ZNF736: variants seen among roughly 807,000 people sequenced by gnomAD.
ZNF736 encodes the protein KRAB-containing zinc-finger repressor protein.
A neutral mutation model predicts 11.7 loss-of-function variants in ZNF736; 6 were observed. That is an observed-to-expected ratio of 0.51 (90% CI 0.28 to 1.01). ZNF736 has a LOEUF of 1.01. ZNF736 is among the 50% of genes least tolerant of loss of function. The pLI is 0.09. For synonymous variants in ZNF736, 139 were observed against 164.7 expected, an observed-to-expected ratio of 0.84 and a Z score of 1.19; for missense variants, 444 against 496.0, an observed-to-expected ratio of 0.90 and a Z score of 1.00.
chr7:64,324,343 C>T lies in ZNF736; in HGVS notation c.3+10190C>T, dbSNP rs1168764853. Among the ~76,000 whole-genome samples the T allele has an allele frequency of 5.9e-5, 9 of 152,180 alleles. No homozygotes were observed. The South Asian group carries it at 6.2e-4, about 11-fold the overall frequency. Reference sequence around the variant, plus strand: ...CACTCAGCAAGTGTCAGGCAGGCCCCGGGCTGAAGGGAGACTCCAGGTGTC... The same window carrying T: ...CACTCAGCAAGTGTCAGGCAGGCCCTGGGCTGAAGGGAGACTCCAGGTGTC... On this transcript the variant is annotated intron_variant, in intron 1 of 3. Coordinates refer to ENST00000423484, the MANE Select transcript of ZNF736 (RefSeq NM_001170905.3).
intron 3 of ZNF736, chr7:64,337,215 TTTG>T: frequency 2.0e-6 from 1 of 506,138 alleles, no homozygotes; most frequent in Non-Finnish European, 3.5e-6. Context: ...GTGTGTGTGT[TTTG>T]TTTTGTTTTT....
chr7:64,348,820 A>G lies in ZNF736; in HGVS notation c.957A>G (p.Gly319=), dbSNP rs1789447749. 7 of 1,587,620 alleles carry G rather than the reference A, an allele frequency of 4.4e-6. No homozygotes were observed. Among genetic ancestry groups the G allele is most frequent in the Non-Finnish European group, 6.0e-6 (7 of 1,166,952 alleles). Residue 319 remains glycine, a synonymous_variant, in exon 4 of 4, where the codon GGA becomes GGG. Coordinates refer to ENST00000423484, the MANE Select transcript of ZNF736 (RefSeq NM_001170905.3). ...AACCCTACACATGTAATGAATGTGG[A>G]AAAGCTTTTAAGTGGTTCTCGGCCC... is the stretch of plus-strand genomic sequence containing the variant. ...GDKPYTCNEC[G]KAFKWFSALS...
At chr7:64,322,654 A>G (rs934643586) in intron 1 of ZNF736, among the ~76,000 whole-genome samples, 18 of 152,246 alleles carry the variant, frequency 1.2e-4, no homozygotes, top group African/African-American at 4.1e-4. Context: ...GTCAACTTTT[A>G]TAAGTTACAC....
chr7:64,325,130 T>TA (rs1224205238), intron 1 of ZNF736, among the ~76,000 whole-genome samples: 2 of 149,820 alleles, frequency 1.3e-5, no homozygotes, highest in Non-Finnish European at 3.0e-5. Context: ...AAATGTTAAA[T>TA]ACACGCTTAG....
chr7:64,344,746 A>G (rs1329078541), intron 3 of ZNF736, among the ~76,000 whole-genome samples: 1 of 152,160 alleles, frequency 6.6e-6, no homozygotes, highest in African/African-American at 2.4e-5. Flanking sequence ...TAATGCTTCA[A>G]TATGGTGTAC....
intron 3 of ZNF736, among the ~76,000 whole-genome samples, chr7:64,338,971 T>G (rs1035895083): frequency 2.6e-5 from 4 of 152,064 alleles, no homozygotes; most frequent in Non-Finnish European, 5.9e-5. Context: ...ATCTTTTCTT[T>G]AATATATTGT....
chr7:64,356,266 TTCTTTAA>T lies in ZNF736; in HGVS notation c.*7127_*7133del, dbSNP rs2115996846. The T allele has an allele frequency of 6.6e-6, 1 of 152,336 alleles. No homozygotes were observed. The highest frequency in any genetic ancestry group is 2.4e-5 in the African/African-American group (1 of 41,578). 9.4% of individuals were successfully genotyped at this position (152,336 alleles called of 1,614,324 possible). A position where few individuals can be genotyped will look rare whatever the true frequency, so the allele number is the denominator to read the frequency against. On this transcript the variant is annotated 3_prime_UTR_variant, in exon 4 of 4. Transcript: ENST00000423484. Reference sequence around the variant, plus strand: ...ATTTAGCCAGTAAATTTAATCTTATTTCTTTAATCTTTAAGTTTTACTACTGAAGGCC... The same window carrying T: ...ATTTAGCCAGTAAATTTAATCTTATTTCTTTAAGTTTTACTACTGAAGGCC...
intron 3 of ZNF736, among the ~76,000 whole-genome samples, chr7:64,343,953 C>CTTTTTTTTTTTTTTTTTTTT (rs142010013): frequency 6.8e-6 from 1 of 147,980 alleles, no homozygotes; most frequent in African/African-American, 2.5e-5. Context: ...TGTATATTTG[C>CTTTTTTTTTTTTTTTTTTTT]TTTTTTTTTT....
In ZNF736 at chr7:64,337,019, C is replaced by T. The variant is rs754596748; in HGVS notation, c.226+37C>T. On this transcript the variant is annotated intron_variant, in intron 3 of 3. Coordinates refer to ENST00000423484, the MANE Select transcript of ZNF736 (RefSeq NM_001170905.3). Reference sequence around the variant, plus strand: ...TGAATGAAGCAGATGACACAAATGACGGATCCCAATGTCAAGGAGGAAGCC... The same window carrying T: ...TGAATGAAGCAGATGACACAAATGATGGATCCCAATGTCAAGGAGGAAGCC... 1.7e-5 allele frequency: 26 copies of T among 1,541,094 alleles called. 1 individual carries two copies. The highest frequency in any genetic ancestry group is 4.7e-5 in the East Asian group (2 of 43,006).
rs1462658484 is a variant in ZNF736, at chr7:64,349,151, T to TGTG, written c.*6_*8dup. 2.0e-6 allele frequency: 3 copies of TGTG among 1,514,780 alleles called. No homozygotes were observed. Among genetic ancestry groups the TGTG allele is most frequent in the Non-Finnish European group, 2.6e-6 (3 of 1,134,242 alleles). The allele number at this position is 1,514,780 out of a possible 1,614,324, so 93.8% of individuals were successfully genotyped here. On this transcript the variant is annotated 3_prime_UTR_variant, in exon 4 of 4. Transcript: ENST00000423484. ...AGAGAAGCTCCACAAGTGTTAAAAA[T>TGTG]GTGGAAAAGCCTTTACCAAGTCCTC...
At chr7:64,324,581 A>G (rs192894768) in intron 1 of ZNF736, among the ~76,000 whole-genome samples, 1 of 152,156 alleles carries the variant, frequency 6.6e-6, no homozygotes, top group African/African-American at 2.4e-5. Flanking sequence ...CTCTTAGGAC[A>G]AATCTCCATG....
chr7:64,334,462 C>T (rs28824218), intron 1 of ZNF736, among the ~76,000 whole-genome samples: 133 of 152,110 alleles, frequency 8.7e-4, no homozygotes, highest in African/African-American at 2.8e-3. Flanking sequence ...AAAGCAATCC[C>T]ATCAAAAAGT....
chr7:64,336,204 T>C (rs1268697049), intron 1 of ZNF736, 55 bp from the exon 2 acceptor site: 2 of 1,571,766 alleles, frequency 1.3e-6, no homozygotes, highest in African/African-American at 1.4e-5. Flanking sequence ...TTTTACCTGA[T>C]GTCAAATCAA....
chr7:64,340,974 G>T (rs1789328603), intron 3 of ZNF736, among the ~76,000 whole-genome samples: 2 of 151,490 alleles, frequency 1.3e-5, no homozygotes, highest in Admixed American at 1.3e-4. Flanking sequence ...TGAATACATT[G>T]GTCTCCTTAA....
Position 64,328,487 on chromosome 7 carries a change from G to A in ZNF736, c.4-7772G>A, listed in dbSNP as rs534914223. Among the ~76,000 whole-genome samples, 201 of 152,160 alleles carry A rather than the reference G, an allele frequency of 1.3e-3. 2 individuals carry two copies. The highest frequency in any genetic ancestry group is 4.6e-3 in the African/African-American group (193 of 41,528). On this transcript the variant is annotated intron_variant, in intron 1 of 3. Coordinates refer to ENST00000423484, the MANE Select transcript of ZNF736 (RefSeq NM_001170905.3). ...AAGATCTTCAGGTAGTCGGCCGGGC[G>A]CGGTGGCTCACGCCTGTAATCCCAG...
Position 64,349,103 on chromosome 7 carries a change from A to G in ZNF736, c.1240A>G (p.Arg414Gly), listed in dbSNP as rs1374087626. The change falls in exon 4 of 4, where the codon AGA becomes GGA. Residue 414 changes from arginine (R) to glycine (G), a missense_variant. By Grantham distance (125) the Arg-to-Gly change is moderately radical. Transcript: ENST00000423484. ...ATCGAGCTGGTTCTCACACCTCATC[A>G]GACATAAGAGAATTCATACTAGAGA... ...KASSWFSHLI[R>G]HKRIHTREKL... is the part of the protein sequence containing the mutation. The G allele has an allele frequency of 6.3e-7, 1 of 1,579,448 alleles. No individual in the cohort carries two copies. The highest frequency in any genetic ancestry group is 8.6e-7 in the Non-Finnish European group (1 of 1,162,774).
At position 64,348,797 on chromosome 7, in the gene ZNF736, C is replaced by T; in HGVS notation, c.934C>T (p.Pro312Ser). The T allele has an allele frequency of 6.3e-7, 1 of 1,586,920 alleles. No homozygotes were observed. Among genetic ancestry groups the T allele is most frequent in the Non-Finnish European group, 8.6e-7 (1 of 1,166,592 alleles). The change falls in exon 4 of 4, where the codon CCC becomes TCC. Residue 312 changes from proline to serine, a missense_variant. Physicochemically the swap from Pro to Ser is moderately conservative, Grantham distance 74 (BLOSUM62 -1). Coordinates refer to ENST00000423484, the MANE Select transcript of ZNF736 (RefSeq NM_001170905.3). ...KHKIIHTGDK[P>S]YTCNECGKAF... The stretch of plus-strand genomic sequence containing the variant: ...TAAGATAATTCATACTGGAGACAAA[C>T]CCTACACATGTAATGAATGTGGAAA...
intron 3 of ZNF736, among the ~76,000 whole-genome samples, chr7:64,345,927 G>T (rs1172828172): frequency 6.6e-6 from 1 of 152,074 alleles, no homozygotes; most frequent in Non-Finnish European, 1.5e-5. Flanking sequence ...TGTTTCATGA[G>T]CTATTGAAAA....
Position 64,337,131 on chromosome 7 carries a change from G to A in ZNF736, c.226+149G>A, listed in dbSNP as rs552435040. ...ATTTCTTTCTCTTGCTTTAACATAG[G>A]GACATTTTTTGTCCCATTCTTGTGA... is the stretch of plus-strand genomic sequence containing the variant. On this transcript the variant is annotated intron_variant, in intron 3 of 3. Coordinates refer to ENST00000423484, the MANE Select transcript of ZNF736 (RefSeq NM_001170905.3). 1.8e-4 allele frequency: 129 copies of A among 709,476 alleles called. No homozygotes were observed. The African/African-American group carries it at 2.1e-3, about 11-fold the overall frequency. 43.9% of individuals were successfully genotyped at this position (709,476 alleles called of 1,614,324 possible).
Sources: allele counts gnomAD v4.1 joint callset (sites outside exome capture counted in the v4.1 genomes callset), GRCh38; gene constraint gnomAD v4.1.1; transcripts MANE v1.5; gene names NCBI Gene and HGNC (gene_info 2026-07-23, HGNC 2026-07-21).